Variants in TTC39A observed in about 807,000 individuals in gnomAD.
The protein encoded by TTC39A is tetratricopeptide repeat protein 39A.
Under a neutral mutation model 82.3 loss-of-function variants are expected in TTC39A, and 46 were observed. The ratio of observed to expected loss-of-function variants is 0.56; its 90% CI spans 0.44 to 0.71. TTC39A has a LOEUF of 0.71. Ranked by LOEUF, TTC39A falls within the 30% of genes least tolerant of loss-of-function variation. The probability of loss-of-function intolerance (pLI) is 0.00; values close to 1 mark genes in which losing one functional copy is unlikely to be tolerated. For synonymous variants in TTC39A, 254 were observed against 275.2 expected (o/e 0.92, Z 0.76); for missense variants, 543 against 712.9 (o/e 0.76, Z 2.71).
Position 51,311,292 on chromosome 1 carries a change from C to A in TTC39A, c.385G>T (p.Glu129Ter). ...AGGGCTGCTCGCTGCAGCAGGCACT[C>A]TGCATAGCAGACCTCAGCGTGGATT... ...EEIHAEVCYAECLLQRAALTF... is the reference protein window; with the variant it reads ...EEIHAEVCYA Residue 129 changes from glutamate to a stop codon, truncating the protein, a stop_gained, in exon 5 of 18, where the codon GAG becomes TAG. Transcript: ENST00000680483. LOFTEE classifies it high-confidence loss of function. 6.3e-7 allele frequency: 1 copy of A among 1,586,768 alleles called. No homozygotes were observed. Among genetic ancestry groups the A allele is most frequent in the Non-Finnish European group, 8.6e-7 (1 of 1,166,774 alleles).
chr1:51,312,909 CAT>C lies in TTC39A; in HGVS notation c.179_180del (p.Tyr60CysfsTer13). The C allele has an allele frequency of 6.2e-7, 1 of 1,613,756 alleles. No homozygotes were observed. Among genetic ancestry groups the C allele is most frequent in the Non-Finnish European group, 8.5e-7 (1 of 1,179,758 alleles). ...ATGGCCTGCATCTCCAGGATGGTGG[CAT>C]ATGTCAGTGAGTGGTACATGCTTTC... ...TKESMYHSLTYATILEMQAMM... is the reference protein window; with the variant it reads ...TKESMYHSLTXATILEMQAMM... On this transcript the variant is annotated frameshift_variant, in exon 3 of 18. Coordinates refer to ENST00000680483, the MANE Select transcript of TTC39A (RefSeq NM_001297663.2). LOFTEE classifies it high-confidence loss of function.
At chr1:51,306,488 G>A (rs1051264497) in intron 6 of TTC39A, among the ~76,000 whole-genome samples, 18 of 152,116 alleles carry the variant, frequency 1.2e-4, no homozygotes, top group African/African-American at 4.1e-4. Flanking sequence ...CAGTAGCATC[G>A]TCTCCCTAGC....
At chr1:51,303,731 C>T (rs972795682) in intron 8 of TTC39A, among the ~76,000 whole-genome samples, 6 of 152,276 alleles carry the variant, frequency 3.9e-5, no homozygotes, top group Admixed American at 3.9e-4. Context: ...ATCTGACCTG[C>T]CTCACTCCTG....
intron 2 of TTC39A, among the ~76,000 whole-genome samples, chr1:51,319,987 G>C (rs1258099493): frequency 1.3e-5 from 2 of 152,152 alleles, no homozygotes. Context: ...ACTGCGCCCA[G>C]ACTTTCTTAG....
At chr1:51,305,936 G>A (rs199963634) in intron 7 of TTC39A, 41 bp downstream of exon 7, 396 of 1,592,612 alleles carry the variant, frequency 2.5e-4, no homozygotes, top group Non-Finnish European at 2.1e-4. Flanking sequence ...GGGAGACTGA[G>A]CTCAAGCCAG....
At chr1:51,343,587 G>T (rs150487616) in intron 1 of TTC39A, among the ~76,000 whole-genome samples, 62 of 152,234 alleles carry the variant, frequency 4.1e-4, no homozygotes, top group African/African-American at 1.5e-3. Context: ...ATGTTTACTT[G>T]TCTACTTGTT....
In TTC39A at chr1:51,321,813, G is replaced by A; in HGVS notation, c.54C>T (p.Ser18=). The A allele has an allele frequency of 6.2e-7, 1 of 1,613,454 alleles. No homozygotes were observed. The highest frequency in any genetic ancestry group is 8.5e-7 in the Non-Finnish European group (1 of 1,179,670). ...PGALPAGTPE[S]SLHEALDQCM... Reference sequence around the variant, plus strand: ...ACTGGTCCAGGGCCTCATGGAGGCTGCTCTCAGGAGTCCTGGGGGAAGAGA... The same window carrying A: ...ACTGGTCCAGGGCCTCATGGAGGCTACTCTCAGGAGTCCTGGGGGAAGAGA... The change falls in exon 2 of 18, where the codon AGC becomes AGT. Residue 18 remains serine, a synonymous_variant. Transcript: ENST00000680483. The surrounding 1 kb of genome is among the most constrained non-coding windows in gnomAD (Gnocchi z 4.6).
In TTC39A at chr1:51,330,500, T is replaced by TGCCCCAGCCGGACGCCAATCGCG; in HGVS notation, c.-46_-24dup. On this transcript the variant is annotated 5_prime_UTR_variant, in exon 1 of 18. Transcript: ENST00000680483. The surrounding 1 kb of genome is among the most constrained non-coding windows in gnomAD (Gnocchi z 4.5). ...CATCGCCGAGGGGCGCGGGCGGCGCTGCCCCAGCCGGACGCCAATCGCGGC... is the reference window on the plus strand; with the variant it reads ...CATCGCCGAGGGGCGCGGGCGGCGCTGCCCCAGCCGGACGCCAATCGCGGCCCCAGCCGGACGCCAATCGCGGC... 1.0e-6 allele frequency: 1 copy of TGCCCCAGCCGGACGCCAATCGCG among 983,128 alleles called. No individual in the cohort carries two copies. The highest frequency in any genetic ancestry group is 1.2e-6 in the Non-Finnish European group (1 of 830,008). The allele number at this position is 983,128 out of a possible 1,614,324, so 60.9% of individuals were successfully genotyped here. A position where few individuals can be genotyped will look rare whatever the true frequency, so the allele number is the denominator to read the frequency against.
Position 51,330,510 on chromosome 1 carries a change from G to A in TTC39A, c.-33C>T, listed in dbSNP as rs1645874877. 4 of 983,500 alleles carry A rather than the reference G, an allele frequency of 4.1e-6. No individual in the cohort carries two copies. The highest frequency in any genetic ancestry group is 4.8e-6 in the Non-Finnish European group (4 of 830,122). The allele number at this position is 983,500 out of a possible 1,614,324, so 60.9% of individuals were successfully genotyped here. A position where few individuals can be genotyped will look rare whatever the true frequency, so the allele number is the denominator to read the frequency against. On this transcript the variant is annotated 5_prime_UTR_variant, in exon 1 of 18. Transcript: ENST00000680483. This position sits in a 1 kb window ranked among gnomAD's most constrained non-coding sequence, Gnocchi z 4.5. The stretch of plus-strand genomic sequence containing the variant: ...GGGCGCGGGCGGCGCTGCCCCAGCC[G>A]GACGCCAATCGCGGCCCAGGTGCTG...
intron 1 of TTC39A, among the ~76,000 whole-genome samples, chr1:51,323,215 T>TCTCTGGC (rs1462603859): frequency 7.2e-5 from 11 of 152,244 alleles, no homozygotes; most frequent in Non-Finnish European, 1.5e-5. Flanking sequence ...CCACATCCCT[T>TCTCTGGC]CTCTGGCCTC....
chr1:51,344,055 CA>C, intron 1 of TTC39A, among the ~76,000 whole-genome samples: 1 of 152,234 alleles, frequency 6.6e-6, no homozygotes, highest in Admixed American at 6.5e-5. Context: ...GAGGTAAAAT[CA>C]ACAGGACTTG....
chr1:51,309,422 T>A, intron 5 of TTC39A, 97 bp from the exon 6 acceptor site: 1 of 1,593,662 alleles, frequency 6.3e-7, no homozygotes, highest in Non-Finnish European at 8.6e-7. Context: ...CCCCTCCGTG[T>A]GAGGAACCCT....
Position 51,306,120 on chromosome 1 carries a change from G to C in TTC39A, c.489-44C>G, listed in dbSNP as rs113892720. On this transcript the variant is annotated intron_variant, in intron 6 of 17. Coordinates refer to ENST00000680483, the MANE Select transcript of TTC39A (RefSeq NM_001297663.2). Reference sequence around the variant, plus strand: ...TCCTGTTTCAGCCACTGCTGGGGGTGGGGGGTAGGGGCTGGGACCCCTTCC... The same window carrying C: ...TCCTGTTTCAGCCACTGCTGGGGGTCGGGGGTAGGGGCTGGGACCCCTTCC... 1,227 of 1,537,880 alleles carry C rather than the reference G, an allele frequency of 8.0e-4. 13 individuals carry two copies. In the African/African-American group the frequency reaches 0.014, roughly 18 times the overall value.
rs1270631201 is a variant in TTC39A at position 51,321,840 on chromosome 1, G to T, written c.42-15C>A. ...TCTCAGGAGTCCTGGGGGAAGAGAT[G>T]CGGGGCATGACACAGGGGCCCTCCA... is the stretch of plus-strand genomic sequence containing the variant. On this transcript the variant is annotated splice_polypyrimidine_tract_variant and intron_variant, in intron 1 of 17. Coordinates refer to ENST00000680483, the MANE Select transcript of TTC39A (RefSeq NM_001297663.2). This position sits in a 1 kb window ranked among gnomAD's most constrained non-coding sequence, Gnocchi z 4.6. 6.2e-7 allele frequency: 1 copy of T among 1,607,672 alleles called. No individual in the cohort carries two copies. Among genetic ancestry groups the T allele is most frequent in the Non-Finnish European group, 8.5e-7 (1 of 1,176,158 alleles).
chr1:51,332,343 C>A (rs975825830), upstream of TTC39A, among the ~76,000 whole-genome samples: 1 of 152,358 alleles, frequency 6.6e-6, no homozygotes, highest in East Asian at 1.9e-4. Context: ...TCACCACAAC[C>A]TCCGTCTCCT....
intron 4 of TTC39A, 72 bp from the exon 5 acceptor site, chr1:51,311,393 C>T (rs567236433): frequency 8.7e-6 from 12 of 1,372,494 alleles, no homozygotes; most frequent in African/African-American, 1.5e-5. Context: ...AATCCTCACA[C>T]CCCAACTTCC....
At chr1:51,328,989 G>A (rs1428916574) in intron 1 of TTC39A, among the ~76,000 whole-genome samples, 1 of 152,152 alleles carries the variant, frequency 6.6e-6, no homozygotes, top group Non-Finnish European at 1.5e-5. Flanking sequence ...TGGACAGGTG[G>A]CTTCAAAGAA....
chr1:51,288,408 G>A lies in TTC39A; in HGVS notation c.1611-128C>T. 6.8e-7 allele frequency: 1 copy of A among 1,461,888 alleles called. No individual in the cohort carries two copies. Among genetic ancestry groups the A allele is most frequent in the Non-Finnish European group, 9.2e-7 (1 of 1,082,694 alleles). The allele number at this position is 1,461,888 out of a possible 1,614,324, so 90.6% of individuals were successfully genotyped here. A position where few individuals can be genotyped will look rare whatever the true frequency, so the allele number is the denominator to read the frequency against. Reference sequence around the variant, plus strand: ...AGAGAAATTAATGTGTCCAGAGAGAGTTGAGCCCTACCCAATGGGAGAGTT... The same window carrying A: ...AGAGAAATTAATGTGTCCAGAGAGAATTGAGCCCTACCCAATGGGAGAGTT... On this transcript the variant is annotated intron_variant, in intron 17 of 17. Coordinates refer to ENST00000680483, the MANE Select transcript of TTC39A (RefSeq NM_001297663.2). This position sits in a 1 kb window ranked among gnomAD's most constrained non-coding sequence, Gnocchi z 4.8.
intron 1 of TTC39A, among the ~76,000 whole-genome samples, chr1:51,344,219 CAG>C (rs1358407462): frequency 1.3e-5 from 2 of 152,140 alleles, no homozygotes; most frequent in Non-Finnish European, 2.9e-5. Context: ...ATAGGACAGT[CAG>C]ATGGAGGTGT....
Sources: allele counts gnomAD v4.1 joint callset (sites outside exome capture counted in the v4.1 genomes callset), GRCh38; gene constraint gnomAD v4.1.1; non-coding constraint Gnocchi (gnomAD v3.1); transcripts MANE v1.5; gene names NCBI Gene and HGNC (gene_info 2026-07-23, HGNC 2026-07-21).